DRC11: variants seen among roughly 807,000 people sequenced by gnomAD.
The protein encoded by DRC11 is dynein regulatory complex subunit 11.
the DRC11 span, among the ~76,000 whole-genome samples, chr2:236,410,203 C>T: frequency 3.3e-5 from 5 of 151,472 alleles, no homozygotes; most frequent in African/African-American, 9.7e-5. Flanking sequence ...CCTCCTTGTA[C>T]CTCTGGTAGA....
chr2:236,403,867 C>G, the DRC11 span, among the ~76,000 whole-genome samples: 3 of 152,082 alleles, frequency 2.0e-5, no homozygotes, highest in African/African-American at 4.8e-5. Context: ...CGCTGTGCCT[C>G]GGGGCCCCGA....
the DRC11 span, among the ~76,000 whole-genome samples, chr2:236,312,192 C>T: frequency 6.6e-6 from 1 of 152,156 alleles, no homozygotes; most frequent in African/African-American, 2.4e-5. Flanking sequence ...GACTGAGACA[C>T]CACTGAATCT....
At chr2:236,346,233 C>G in the DRC11 span, among the ~76,000 whole-genome samples, 1 of 152,226 alleles carries the variant, frequency 6.6e-6, no homozygotes, top group Non-Finnish European at 1.5e-5. Flanking sequence ...AGACATGTGC[C>G]AGGCATCAGC....
At chr2:236,408,064 C>T in the DRC11 span, 2 of 592,698 alleles carry the variant, frequency 3.4e-6, no homozygotes, top group Admixed American at 1.9e-5. The surrounding 1 kb of genome is among the most constrained non-coding windows in gnomAD (Gnocchi z 5.5). Context: ...TCCCACCACA[C>T]ATTCCTTCAG....
the DRC11 span, among the ~76,000 whole-genome samples, chr2:236,317,052 TTGGGAGGCCGAGG>T: frequency 1.3e-5 from 2 of 152,012 alleles, no homozygotes; most frequent in South Asian, 4.2e-4. The surrounding 1 kb of genome is among the most constrained non-coding windows in gnomAD (Gnocchi z 5.4). Flanking sequence ...TCCCAGCACT[TTGGGAGGCCGAGG>T]TGGGAGGATC....
At chr2:236,377,840 A>G in the DRC11 span, among the ~76,000 whole-genome samples, 4 of 152,342 alleles carry the variant, frequency 2.6e-5, no homozygotes, top group Non-Finnish European at 4.4e-5. This position sits in a 1 kb window ranked among gnomAD's most constrained non-coding sequence, Gnocchi z 4.9. Flanking sequence ...AAAAATGGAC[A>G]TAGTATCCCA....
the DRC11 span, among the ~76,000 whole-genome samples, chr2:236,316,145 T>TTC: frequency 0.024 from 3,443 of 146,130 alleles, 48 homozygotes; most frequent in East Asian, 0.053. This position sits in a 1 kb window ranked among gnomAD's most constrained non-coding sequence, Gnocchi z 6.8. Flanking sequence ...ACTTATTTTC[T>TTC]TCTCTCTCTC....
chr2:236,467,237 A>G, the DRC11 span, among the ~76,000 whole-genome samples: 69 of 152,266 alleles, frequency 4.5e-4, no homozygotes, highest in African/African-American at 1.5e-3. Flanking sequence ...TTTTCTTTCT[A>G]TTATTTCTTT....
At chr2:236,308,976 G>GGCATCGGTTT in the DRC11 span, among the ~76,000 whole-genome samples, 1 of 152,226 alleles carries the variant, frequency 6.6e-6, no homozygotes, top group African/African-American at 2.4e-5. This position sits in a 1 kb window ranked among gnomAD's most constrained non-coding sequence, Gnocchi z 6.0. Flanking sequence ...GCTGTTGGGA[G>GGCATCGGTTT]CTCTGGGGTC....
the DRC11 span, among the ~76,000 whole-genome samples, chr2:236,328,476 T>G: frequency 6.6e-6 from 1 of 152,162 alleles, no homozygotes; most frequent in South Asian, 2.1e-4. This position sits in a 1 kb window ranked among gnomAD's most constrained non-coding sequence, Gnocchi z 6.7. Context: ...TCCTTGATGC[T>G]TCCCCATGGC....
At chr2:236,446,732 G>A in the DRC11 span, among the ~76,000 whole-genome samples, 6 of 152,314 alleles carry the variant, frequency 3.9e-5, no homozygotes, top group East Asian at 7.7e-4. The surrounding 1 kb of genome is among the most constrained non-coding windows in gnomAD (Gnocchi z 6.2). Flanking sequence ...TCAAACAACT[G>A]GAATCGCAAA....
At chr2:236,471,097 T>C in the DRC11 span, among the ~76,000 whole-genome samples, 1 of 152,224 alleles carries the variant, frequency 6.6e-6, no homozygotes, top group Non-Finnish European at 1.5e-5. The surrounding 1 kb of genome is among the most constrained non-coding windows in gnomAD (Gnocchi z 4.6). Context: ...CACAGCCTTA[T>C]GCTACTAGGT....
At chr2:236,330,167 T>C in the DRC11 span, among the ~76,000 whole-genome samples, 1 of 152,232 alleles carries the variant, frequency 6.6e-6, no homozygotes. This position sits in a 1 kb window ranked among gnomAD's most constrained non-coding sequence, Gnocchi z 5.5. Context: ...TTCAAATGCT[T>C]GGTAAACACT....
the DRC11 span, among the ~76,000 whole-genome samples, chr2:236,410,150 T>A: frequency 6.6e-6 from 1 of 151,664 alleles, no homozygotes; most frequent in Non-Finnish European, 1.5e-5. Flanking sequence ...GATTCCCTCT[T>A]TTTCTATTGA....
the DRC11 span, among the ~76,000 whole-genome samples, chr2:236,505,445 T>G: frequency 6.6e-6 from 1 of 152,174 alleles, no homozygotes; most frequent in Non-Finnish European, 1.5e-5. Flanking sequence ...GGCCTGTCTC[T>G]GCTCAGAAGC....
chr2:236,392,224 C>T, the DRC11 span: 1 of 1,517,996 alleles, frequency 6.6e-7, no homozygotes. The surrounding 1 kb of genome is among the most constrained non-coding windows in gnomAD (Gnocchi z 5.1). Context: ...GCTGTTACTA[C>T]ACCATAAACG....
the DRC11 span, among the ~76,000 whole-genome samples, chr2:236,370,461 A>G: frequency 7.1e-4 from 108 of 152,052 alleles, 1 homozygote; most frequent in Non-Finnish European, 1.6e-4. This position sits in a 1 kb window ranked among gnomAD's most constrained non-coding sequence, Gnocchi z 5.5. Flanking sequence ...GGGAGGAGAG[A>G]CCGGTCAGTG....
At chr2:236,449,650 T>C in the DRC11 span, among the ~76,000 whole-genome samples, 2 of 152,244 alleles carry the variant, frequency 1.3e-5, no homozygotes, top group East Asian at 1.9e-4. The surrounding 1 kb of genome is among the most constrained non-coding windows in gnomAD (Gnocchi z 5.1). Context: ...GTTTAGTTTA[T>C]GGCTTTACAG....
chr2:236,398,740 C>A, the DRC11 span, among the ~76,000 whole-genome samples: 1 of 152,308 alleles, frequency 6.6e-6, no homozygotes, highest in East Asian at 1.9e-4. This position sits in a 1 kb window ranked among gnomAD's most constrained non-coding sequence, Gnocchi z 6.2. Flanking sequence ...GGCTGAACAA[C>A]TGACAGAAAA....
Sources: allele counts gnomAD v4.1 joint callset (sites outside exome capture counted in the v4.1 genomes callset), GRCh38; gene constraint gnomAD v4.1.1; non-coding constraint Gnocchi (gnomAD v3.1); transcripts MANE v1.5; gene names NCBI Gene and HGNC (gene_info 2026-07-23, HGNC 2026-07-21).